RAD18: variants seen among roughly 807,000 people sequenced by gnomAD.
RAD18 encodes RAD18 E3 ubiquitin protein ligase.
In RAD18, 47 loss-of-function variants were observed where a neutral mutation model predicts 60.4. That is an observed-to-expected ratio of 0.78 (90% CI 0.62 to 0.99). The LOEUF is 0.99. Among genes scored for constraint, RAD18 ranks in the 50% least tolerant of loss-of-function variants. RAD18 has a pLI of 0.00. For synonymous variants in RAD18, 225 were observed against 195.5 expected (o/e 1.15, Z -1.26); for missense variants, 640 against 593.3 (o/e 1.08, Z -0.82).
At chr3:8,922,117 A>T (rs1940332767) in intron 7 of RAD18, among the ~76,000 whole-genome samples, 1 of 152,086 alleles carries the variant, frequency 6.6e-6, no homozygotes, top group Non-Finnish European at 1.5e-5. Flanking sequence ...GTGCACCGGG[A>T]GTGAGCTGAA....
intron 6 of RAD18, among the ~76,000 whole-genome samples, chr3:8,937,655 A>T (rs1028488866): frequency 6.6e-6 from 1 of 152,202 alleles, no homozygotes; most frequent in Non-Finnish European, 1.5e-5. Flanking sequence ...TGTTGTCTTC[A>T]GAATCTCCAC....
intron 1 of RAD18, among the ~76,000 whole-genome samples, chr3:8,962,528 T>G (rs1941108047): frequency 1.3e-5 from 2 of 152,102 alleles, no homozygotes; most frequent in South Asian, 4.1e-4. Flanking sequence ...TCTACAAAAC[T>G]GAGGGAGAAG....
intron 7 of RAD18, among the ~76,000 whole-genome samples, chr3:8,920,604 A>G (rs1380611634): frequency 2.0e-5 from 3 of 152,238 alleles, no homozygotes; most frequent in Non-Finnish European, 4.4e-5. Context: ...GATATCACAA[A>G]TGAGGGGTAC....
intron 1 of RAD18, among the ~76,000 whole-genome samples, chr3:8,962,086 C>T (rs1432354485): frequency 6.6e-6 from 1 of 152,248 alleles, no homozygotes; most frequent in Admixed American, 6.5e-5. Context: ...GTGTCAGGCA[C>T]TGCAGTAAGC....
At chr3:8,889,752 T>A (rs1400672395) in intron 12 of RAD18, among the ~76,000 whole-genome samples, 1 of 152,172 alleles carries the variant, frequency 6.6e-6, no homozygotes, top group East Asian at 1.9e-4. Flanking sequence ...TAGGACCTTT[T>A]ACGCATATTA....
In RAD18 at chr3:8,939,594, T is replaced by C; in HGVS notation, c.664A>G (p.Ser222Gly). ...TTCTTCTCTTCGCGTGATAAACAGC[T>C]GTCTAAATGCTTATTAATGTGACTT... ...PESHINKHLD[S>G]CLSREEKKES... The change falls in exon 6 of 13, where the codon AGC (serine) becomes GGC (glycine). Residue 222 changes from serine to glycine, a missense_variant. Physicochemically the swap from Ser to Gly is moderately conservative, Grantham distance 56. Transcript: ENST00000264926. The C allele has an allele frequency of 1.9e-6, 3 of 1,613,232 alleles. No homozygotes were observed. The highest frequency in any genetic ancestry group is 2.5e-6 in the Non-Finnish European group (3 of 1,179,380).
At position 8,898,878 on chromosome 3, in the gene RAD18, A is replaced by G; in HGVS notation, c.1322+16T>C. The G allele has an allele frequency of 6.5e-7, 1 of 1,533,098 alleles. No homozygotes were observed. The highest frequency in any genetic ancestry group is 1.7e-4 in the Middle Eastern group (1 of 5,766). 95.0% of individuals were successfully genotyped at this position (1,533,098 alleles called of 1,614,324 possible). A position where few individuals can be genotyped will look rare whatever the true frequency, so the allele number is the denominator to read the frequency against. The stretch of plus-strand genomic sequence containing the variant: ...AAGTAGATATTTAAAATAATCAACT[A>G]CTGCATGTTTCTTACCTATTGCATG... On this transcript the variant is annotated intron_variant, in intron 11 of 12. Transcript: ENST00000264926.
chr3:8,897,513 G>C (rs1458892055), intron 11 of RAD18, among the ~76,000 whole-genome samples: 2 of 152,150 alleles, frequency 1.3e-5, no homozygotes, highest in African/African-American at 4.8e-5. Context: ...ACCCCACCCT[G>C]AGAACGCCCA....
In RAD18 at chr3:8,907,432, G is replaced by C. The variant is rs532139715; in HGVS notation, c.1027+4880C>G. On this transcript the variant is annotated intron_variant, in intron 9 of 12. Transcript: ENST00000264926. ...TTTGGTGTCCTTGAGATACAGAATGGCTGGGCTCCTGGCTAAACTCCACCC... is the reference window on the plus strand; with the variant it reads ...TTTGGTGTCCTTGAGATACAGAATGCCTGGGCTCCTGGCTAAACTCCACCC... Among the ~76,000 whole-genome samples, 15 of 152,248 alleles carry C rather than the reference G, an allele frequency of 9.9e-5. No individual in the cohort carries two copies. In the South Asian group the frequency reaches 2.9e-3, roughly 29 times the overall value.
chr3:8,901,043 A>C (rs903516856), intron 10 of RAD18, among the ~76,000 whole-genome samples: 14 of 152,248 alleles, frequency 9.2e-5, no homozygotes, highest in Admixed American at 9.2e-4. Context: ...TTGTTCAATG[A>C]CCATGAGTTA....
chr3:8,950,876 GA>G (rs756871674), intron 2 of RAD18, among the ~76,000 whole-genome samples: 113 of 152,166 alleles, frequency 7.4e-4, no homozygotes, highest in Admixed American at 2.0e-3. Context: ...CGCTATAACA[GA>G]ATGCCTTTGA....
intron 7 of RAD18, among the ~76,000 whole-genome samples, chr3:8,925,796 A>G (rs1175015361): frequency 6.6e-6 from 1 of 152,150 alleles, no homozygotes; most frequent in Non-Finnish European, 1.5e-5. Context: ...TATAAACAGA[A>G]CCAATGACAA....
Position 8,881,404 on chromosome 3 carries a change from C to A in RAD18, c.1441G>T (p.Ala481Ser), listed in dbSNP as rs757759853. The change falls in exon 13 of 13, where the codon GCT (alanine) becomes TCT (serine). Residue 481 changes from alanine to serine, a missense_variant. By Grantham distance (99) the Ala-to-Ser change is moderately conservative (BLOSUM62 1). Coordinates refer to ENST00000264926, the MANE Select transcript of RAD18 (RefSeq NM_020165.4). ...CTTGGTTCAATCTCAGCACTTTCAGCGGCTCTTGTGCGGCGATTCTGTCTT... is the reference window on the plus strand; with the variant it reads ...CTTGGTTCAATCTCAGCACTTTCAGAGGCTCTTGTGCGGCGATTCTGTCTT... ...SPRQNRRTRA[A>S]ESAEIEPRNK... 1.9e-6 allele frequency: 3 copies of A among 1,613,172 alleles called. No homozygotes were observed. Among genetic ancestry groups the A allele is most frequent in the Admixed American group, 3.3e-5 (2 of 59,982 alleles).
Position 8,893,426 on chromosome 3 carries a change from A to G in RAD18, c.1323-2975T>C, listed in dbSNP as rs117603497. Among the ~76,000 whole-genome samples, 77 of 152,312 alleles carry G rather than the reference A, an allele frequency of 5.1e-4. 2 individuals carry two copies. The East Asian group carries it at 0.015, about 29-fold the overall frequency. On this transcript the variant is annotated intron_variant, in intron 11 of 12. Coordinates refer to ENST00000264926, the MANE Select transcript of RAD18 (RefSeq NM_020165.4). ...GGGTAGATCACTGGAGGATCAATGC[A>G]GGACAACATGCCTACCAGACAATGG...
At chr3:8,886,556 T>A (rs956286821) in intron 12 of RAD18, among the ~76,000 whole-genome samples, 1 of 152,218 alleles carries the variant, frequency 6.6e-6, no homozygotes, top group Admixed American at 6.5e-5. Context: ...GACAGACACA[T>A]TCATTCATTC....
At chr3:8,956,984 T>C (rs1015582585) in intron 2 of RAD18, among the ~76,000 whole-genome samples, 10 of 152,152 alleles carry the variant, frequency 6.6e-5, no homozygotes, top group African/African-American at 2.2e-4. Flanking sequence ...TAAAGGCATA[T>C]AGATCAGAAA....
intron 9 of RAD18, 104 bp from the exon 10 acceptor site, chr3:8,902,624 G>C: frequency 8.5e-7 from 1 of 1,175,714 alleles, no homozygotes. Flanking sequence ...GGGCATGGTG[G>C]CTTACGCCTG....
chr3:8,959,624 A>C (rs1478280802), intron 1 of RAD18, among the ~76,000 whole-genome samples: 4 of 152,238 alleles, frequency 2.6e-5, no homozygotes, highest in Admixed American at 2.0e-4. Flanking sequence ...GTGAAAGCAG[A>C]GGAAGGGAAA....
intron 12 of RAD18, among the ~76,000 whole-genome samples, chr3:8,887,865 C>T (rs1939597608): frequency 6.6e-6 from 1 of 152,176 alleles, no homozygotes; most frequent in Admixed American, 6.5e-5. Flanking sequence ...GGTCAATTCT[C>T]AGAGACAGCA....
Sources: allele counts gnomAD v4.1 joint callset (sites outside exome capture counted in the v4.1 genomes callset), GRCh38; gene constraint gnomAD v4.1.1; transcripts MANE v1.5; gene names NCBI Gene and HGNC (gene_info 2026-07-23, HGNC 2026-07-21).